WDR64: variants seen among roughly 807,000 people sequenced by gnomAD.
WDR64 encodes WD repeat-containing protein 64.
A neutral mutation model predicts 139.3 loss-of-function variants in WDR64; 112 were observed. That is an observed-to-expected ratio of 0.80 (90% confidence interval 0.69 to 0.94). WDR64 has a LOEUF of 0.94. WDR64 is among the 40% of genes least tolerant of loss of function. WDR64 has a pLI of 0.00. For synonymous variants in WDR64, 444 were observed against 437.7 expected (o/e 1.01, Z -0.18); for missense variants, 1,206 against 1,293.1 (o/e 0.93, Z 1.03).
chr1:241,713,445 GAA>G, intron 9 of WDR64, among the ~76,000 whole-genome samples: 1 of 135,112 alleles, frequency 7.4e-6, no homozygotes. Flanking sequence ...GGGAAGGAAA[GAA>G]AGGAAGGAAA....
chr1:241,659,558 C>G (rs1665743131), intron 1 of WDR64, among the ~76,000 whole-genome samples: 1 of 152,162 alleles, frequency 6.6e-6, no homozygotes, highest in Non-Finnish European at 1.5e-5. Context: ...TCTCCCCAAC[C>G]TCGCCAGCAT....
intron 8 of WDR64, 134 bp from the exon 9 acceptor site, chr1:241,711,668 T>G: frequency 1.3e-6 from 1 of 779,184 alleles, no homozygotes; most frequent in East Asian, 2.7e-5. Context: ...AATCATTACT[T>G]GTAATACGGC....
intron 15 of WDR64, among the ~76,000 whole-genome samples, chr1:241,762,890 T>C (rs1475390253): frequency 6.6e-6 from 1 of 152,130 alleles, no homozygotes; most frequent in Admixed American, 6.5e-5. Flanking sequence ...CAAATGTCAG[T>C]TTGGAACTGC....
intron 8 of WDR64, among the ~76,000 whole-genome samples, chr1:241,695,343 T>G (rs1275918188): frequency 6.6e-6 from 1 of 152,192 alleles, no homozygotes; most frequent in African/African-American, 2.4e-5. Context: ...AACTCCATGT[T>G]TAGAGATGTC....
At chr1:241,657,427 A>C (rs893006593) in intron 1 of WDR64, among the ~76,000 whole-genome samples, 2 of 152,178 alleles carry the variant, frequency 1.3e-5, no homozygotes, top group Non-Finnish European at 2.9e-5. Flanking sequence ...TTCTGACTCT[A>C]GCTCTGCCCT....
At chr1:241,754,553 C>T (rs1037193057) in intron 14 of WDR64, among the ~76,000 whole-genome samples, 12 of 151,934 alleles carry the variant, frequency 7.9e-5, no homozygotes, top group Non-Finnish European at 5.9e-5. Context: ...CTCTTGACCT[C>T]GTGATCTGCT....
chr1:241,694,457 T>C (rs1667412053), intron 8 of WDR64, among the ~76,000 whole-genome samples: 1 of 152,190 alleles, frequency 6.6e-6, no homozygotes, highest in African/African-American at 2.4e-5. Flanking sequence ...ATGGCATAAT[T>C]AATTGCATAG....
At chr1:241,699,835 G>A (rs7549974) in intron 8 of WDR64, among the ~76,000 whole-genome samples, 86,567 of 151,868 alleles carry the variant, frequency 0.57, 24,957 homozygotes, top group South Asian at 0.74. Flanking sequence ...GACAATCCAA[G>A]CATGAAAAGA....
intron 8 of WDR64, among the ~76,000 whole-genome samples, chr1:241,697,465 T>A (rs1667539866): frequency 6.6e-6 from 1 of 152,180 alleles, no homozygotes; most frequent in African/African-American, 2.4e-5. Context: ...TCTTTCTCTA[T>A]TTTTAGACAC....
chr1:241,672,286 A>T (rs1369831724), intron 3 of WDR64, among the ~76,000 whole-genome samples: 2 of 152,094 alleles, frequency 1.3e-5, no homozygotes, highest in Admixed American at 6.5e-5. Flanking sequence ...TGGCCATGGG[A>T]ACTAGAAAAA....
intron 10 of WDR64, among the ~76,000 whole-genome samples, chr1:241,736,415 T>TA (rs59588872): frequency 0.46 from 61,243 of 134,596 alleles, 15,119 homozygotes; most frequent in Middle Eastern, 0.59. Context: ...TGGAAGAGTT[T>TA]AAAAAAAAAA....
At chr1:241,799,758 T>C (rs1294555868) in intron 27 of WDR64, among the ~76,000 whole-genome samples, 2 of 152,186 alleles carry the variant, frequency 1.3e-5, no homozygotes, top group Admixed American at 1.3e-4. Context: ...AGGTCTCTCC[T>C]GGTCAGAATA....
intron 4 of WDR64, among the ~76,000 whole-genome samples, chr1:241,675,258 C>CCCTCCTT (rs1277039678): frequency 2.0e-5 from 2 of 99,926 alleles, no homozygotes; most frequent in African/African-American, 8.6e-5. Flanking sequence ...CTTCCTTCCT[C>CCCTCCTT]CCTCCCTTCC....
At chr1:241,671,517 C>G (rs1272347764) in intron 3 of WDR64, among the ~76,000 whole-genome samples, 1 of 152,148 alleles carries the variant, frequency 6.6e-6, no homozygotes, top group Non-Finnish European at 1.5e-5. Flanking sequence ...TTCTTTTAAA[C>G]TATTCTTAAA....
rs770315269 is a variant in WDR64 at position 241,796,398 on chromosome 1, C to A, written c.3192+28C>A. On this transcript the variant is annotated intron_variant, in intron 27 of 27. Transcript: ENST00000437684. ...AAGTTAGTACTAATTCCACCGTTAACTCCAATTTCAGTGTATCCTATTTCT... is the reference window on the plus strand; with the variant it reads ...AAGTTAGTACTAATTCCACCGTTAAATCCAATTTCAGTGTATCCTATTTCT... 5 of 1,448,276 alleles carry A rather than the reference C, an allele frequency of 3.5e-6. No individual in the cohort carries two copies. The East Asian group carries it at 9.2e-5, about 27-fold the overall frequency. 89.7% of individuals were successfully genotyped at this position (1,448,276 alleles called of 1,614,324 possible).
rs1296893731 is a variant in WDR64 at position 241,735,531 on chromosome 1, C to CCCTTT, written c.1195-2832_1195-2831insCCTTT. 1.5e-4 allele frequency among the ~76,000 whole-genome samples: 15 copies of CCCTTT among 96,784 alleles called. 1 individual carries two copies. Among genetic ancestry groups the CCCTTT allele is most frequent in the African/African-American group, 5.7e-4 (14 of 24,384 alleles). 63.5% of individuals were successfully genotyped at this position (96,784 alleles called of 152,430 possible). Reference sequence around the variant, plus strand: ...TAGTTCTCTGTCTCTCTCTCTCTCTCTCTTTTTTTTTTTTTTTTTTTGATA... The same window carrying CCCTTT: ...TAGTTCTCTGTCTCTCTCTCTCTCTCCCTTTTCTTTTTTTTTTTTTTTTTTTGATA... On this transcript the variant is annotated intron_variant, in intron 10 of 27. Coordinates refer to ENST00000437684, the MANE Select transcript of WDR64 (RefSeq NM_001367482.1).
chr1:241,735,735 A>G (rs1301166980), intron 10 of WDR64, among the ~76,000 whole-genome samples: 1 of 150,616 alleles, frequency 6.6e-6, no homozygotes. Context: ...GAGTTTTACC[A>G]TGTTGGCCAG....
intron 12 of WDR64, among the ~76,000 whole-genome samples, chr1:241,742,388 G>A (rs2148246705): frequency 6.6e-6 from 1 of 152,288 alleles, no homozygotes; most frequent in Admixed American, 6.5e-5. Context: ...GAGACAGGAG[G>A]TTGGCACAAG....
chr1:241,795,189 C>T lies in WDR64; in HGVS notation c.2998-18C>T. The T allele has an allele frequency of 6.2e-7, 1 of 1,610,276 alleles. No individual in the cohort carries two copies. ...GGATGTGCCCCTTTCATTAAACATT[C>T]ATCCCTTTGTTTTGCAGATTCGAAG... On this transcript the variant is annotated intron_variant, in intron 25 of 27. Coordinates refer to ENST00000437684, the MANE Select transcript of WDR64 (RefSeq NM_001367482.1).
Sources: allele counts gnomAD v4.1 joint callset (sites outside exome capture counted in the v4.1 genomes callset), GRCh38; gene constraint gnomAD v4.1.1; transcripts MANE v1.5; gene names NCBI Gene and HGNC (gene_info 2026-07-23, HGNC 2026-07-21).